The following PKD1L1 variants were observed in gnomAD, a reference collection of about 807,000 sequenced individuals.
PKD1L1 encodes the protein polycystin-1-like protein 1.
In PKD1L1, 236 loss-of-function variants were observed where a neutral mutation model predicts 323.4. That is an observed-to-expected ratio of 0.73 (90% CI 0.66 to 0.81). PKD1L1 has a LOEUF of 0.81. Among genes scored for constraint, PKD1L1 ranks in the 40% least tolerant of loss-of-function variants. PKD1L1 has a pLI of 0.00. For missense variants in PKD1L1, 3,320 were observed against 3,508.0 expected, an observed-to-expected ratio of 0.95 and a Z score of 1.35; for synonymous variants, 1,344 against 1,335.0, an observed-to-expected ratio of 1.01 and a Z score of -0.15.
Position 47,829,556 on chromosome 7 carries a change from T to C in PKD1L1, c.6604A>G (p.Asn2202Asp). 1 of 1,613,404 alleles carries C rather than the reference T, an allele frequency of 6.2e-7. No individual in the cohort carries two copies. Among genetic ancestry groups the C allele is most frequent in the Admixed American group, 1.7e-5 (1 of 59,844 alleles). The stretch of plus-strand genomic sequence containing the variant: ...CATAAAGACTCAGTAAAAAAGTGGT[T>C]GTCAGCTCTTCTTTTCCAAGCAAAA... ...LGFAWKRRAD[N>D]HFFTESLCEA... The change falls in exon 44 of 57, where the codon AAC (asparagine) becomes GAC (aspartate). Residue 2202 changes from asparagine to aspartate, a missense_variant. By Grantham distance (23) the Asn-to-Asp change is conservative. Coordinates refer to ENST00000289672, the MANE Select transcript of PKD1L1 (RefSeq NM_138295.5).
chr7:47,815,309 TATGAAGAGGAG>T lies in PKD1L1; in HGVS notation c.7089+14_7089+24del. On this transcript the variant is annotated intron_variant, in intron 47 of 56. Transcript: ENST00000289672. ...AGATAGCTTTTCTGAGATGATCTCC[TATGAAGAGGAG>T]ACGGAAAGCTCACCTGAGCCCCCGG... is the stretch of plus-strand genomic sequence containing the variant. 6.2e-7 allele frequency: 1 copy of T among 1,611,038 alleles called. No homozygotes were observed.
chr7:47,892,200 G>A (rs1273838939), intron 15 of PKD1L1, among the ~76,000 whole-genome samples: 2 of 152,196 alleles, frequency 1.3e-5, no homozygotes, highest in East Asian at 1.9e-4. Flanking sequence ...TCATTTTGGA[G>A]TCTCAGTGGG....
rs368049472 is a variant in PKD1L1 at position 47,777,338 on chromosome 7, G to A, written c.8527-2172C>T. 1.6e-4 allele frequency among the ~76,000 whole-genome samples: 25 copies of A among 152,262 alleles called. No homozygotes were observed. The East Asian group carries it at 3.9e-3, about 24-fold the overall frequency. ...TTTCCTCATATCTAATGATAAGACC[G>A]AAGGAGATGGTCTCCTCCTTCCATG... is the stretch of plus-strand genomic sequence containing the variant. On this transcript the variant is annotated intron_variant, in intron 56 of 56. Transcript: ENST00000289672.
intron 22 of PKD1L1, among the ~76,000 whole-genome samples, chr7:47,876,593 G>A (rs934324538): frequency 2.0e-5 from 3 of 152,078 alleles, no homozygotes; most frequent in African/African-American, 7.2e-5. Context: ...GGAGGGAGGG[G>A]TCGGGGTGCC....
intron 12 of PKD1L1, among the ~76,000 whole-genome samples, chr7:47,902,893 C>T (rs192397852): frequency 2.5e-4 from 38 of 152,260 alleles, no homozygotes; most frequent in African/African-American, 9.1e-4. Context: ...TGATGGGTAC[C>T]CCAACCCATA....
intron 24 of PKD1L1, among the ~76,000 whole-genome samples, chr7:47,870,224 CG>C (rs1028190793): frequency 2.0e-5 from 3 of 150,498 alleles, no homozygotes; most frequent in Non-Finnish European, 3.0e-5. Flanking sequence ...AAGTACAAGG[CG>C]GGGAAAAAAA....
In PKD1L1 at chr7:47,858,624, T is replaced by TG. The variant is rs34177211; in HGVS notation, c.4362+48dup. 241,571 of 1,522,060 alleles carry TG rather than the reference T, an allele frequency of 0.16. 21,839 individuals carry two copies. Among genetic ancestry groups the TG allele is most frequent in the African/African-American group, 0.35 (25,621 of 72,832 alleles). The allele number at this position is 1,522,060 out of a possible 1,614,324, so 94.3% of individuals were successfully genotyped here. ...CAATTACAAATACAGGTTAACATCC[T>TG]GGGATATGGAAACAGTATTTTTATG... On this transcript the variant is annotated intron_variant, in intron 27 of 56. Coordinates refer to ENST00000289672, the MANE Select transcript of PKD1L1 (RefSeq NM_138295.5).
intron 22 of PKD1L1, among the ~76,000 whole-genome samples, chr7:47,876,991 G>C (rs1304334241): frequency 6.6e-6 from 1 of 151,938 alleles, no homozygotes; most frequent in African/African-American, 2.4e-5. Flanking sequence ...TGTTGGCCAG[G>C]CTGGTTTGCA....
At chr7:47,931,364 G>A (rs11763361) in intron 5 of PKD1L1, 43 bp from the exon 6 acceptor site, 77,824 of 1,597,868 alleles carry the variant, frequency 0.049, 2,138 homozygotes, top group Middle Eastern at 0.064. Flanking sequence ...GAATGGCCTC[G>A]TCTGGCATCA....
intron 13 of PKD1L1, 47 bp downstream of exon 13, chr7:47,902,332 G>A: frequency 6.2e-7 from 1 of 1,604,530 alleles, no homozygotes. Flanking sequence ...AACTCAGAGG[G>A]AGGCTGAAAA....
At chr7:47,944,689 T>C (rs1388275738) in intron 1 of PKD1L1, among the ~76,000 whole-genome samples, 1 of 152,216 alleles carries the variant, frequency 6.6e-6, no homozygotes, top group Non-Finnish European at 1.5e-5. Flanking sequence ...CTGGTGACTT[T>C]CCCTCTGGAC....
chr7:47,834,694 C>T (rs937801434), intron 39 of PKD1L1, among the ~76,000 whole-genome samples: 19 of 152,030 alleles, frequency 1.2e-4, no homozygotes, highest in African/African-American at 4.6e-4. Flanking sequence ...ATTCACTATC[C>T]ATCTGACAAA....
chr7:47,827,805 T>C (rs1785267566), intron 44 of PKD1L1, among the ~76,000 whole-genome samples: 1 of 152,220 alleles, frequency 6.6e-6, no homozygotes, highest in Admixed American at 6.5e-5. Context: ...TGGCACAGTA[T>C]TTTCTCTTAG....
At chr7:47,900,132 C>A (rs376397716) in intron 13 of PKD1L1, among the ~76,000 whole-genome samples, 1 of 152,034 alleles carries the variant, frequency 6.6e-6, no homozygotes, top group East Asian at 1.9e-4. Flanking sequence ...AATATGATAT[C>A]ATTCTAAGAT....
Position 47,906,966 on chromosome 7 carries a change from A to G in PKD1L1, c.1403-1004T>C, listed in dbSNP as rs185207874. Among the ~76,000 whole-genome samples the G allele has an allele frequency of 1.1e-4, 17 of 152,338 alleles. No homozygotes were observed. The East Asian group carries it at 3.3e-3, about 29-fold the overall frequency. On this transcript the variant is annotated intron_variant, in intron 9 of 56. Coordinates refer to ENST00000289672, the MANE Select transcript of PKD1L1 (RefSeq NM_138295.5). ...ATTATCAATCTGTAGGGCTGGATGC[A>G]AACTTGGACCTTCCTATTCTAAATC...
Position 47,939,564 on chromosome 7 carries a change from G to A in PKD1L1, c.285+629C>T, listed in dbSNP as rs542253701. On this transcript the variant is annotated intron_variant, in intron 3 of 56. Coordinates refer to ENST00000289672, the MANE Select transcript of PKD1L1 (RefSeq NM_138295.5). ...TCTCACGCTTCTCCTCCATCTCCAG[G>A]GCATTGCCCAGGCCTTCAGACCCAA... Among the ~76,000 whole-genome samples the A allele has an allele frequency of 1.6e-3, 241 of 152,212 alleles. 1 individual carries two copies. Among genetic ancestry groups the A allele is most frequent in the African/African-American group, 5.5e-3 (230 of 41,526 alleles).
intron 7 of PKD1L1, among the ~76,000 whole-genome samples, chr7:47,928,796 A>G (rs1787702760): frequency 6.6e-6 from 1 of 152,164 alleles, no homozygotes; most frequent in Admixed American, 6.5e-5. Flanking sequence ...AAGAATTCAT[A>G]TAGAACATTG....
intron 15 of PKD1L1, among the ~76,000 whole-genome samples, chr7:47,893,258 A>G (rs1312322020): frequency 6.7e-6 from 1 of 149,620 alleles, no homozygotes; most frequent in Admixed American, 6.6e-5. Flanking sequence ...AAAAAAAGAG[A>G]AAGAAGATTT....
rs967603153 is a variant in PKD1L1, at chr7:47,946,742, T to C, written c.44+1655A>G. 3.3e-5 allele frequency among the ~76,000 whole-genome samples: 5 copies of C among 152,166 alleles called. No homozygotes were observed. Among genetic ancestry groups the C allele is most frequent in the African/African-American group, 1.2e-4 (5 of 41,438 alleles). On this transcript the variant is annotated intron_variant, in intron 1 of 56. Transcript: ENST00000289672. The surrounding 1 kb of genome is among the most constrained non-coding windows in gnomAD (Gnocchi z 4.1). ...TACAGGAGAGTCAAGAAACCTCTTC[T>C]GTTTCTATGAACAAGATCAGTCACT...
Sources: gnomAD v4.1 joint callset for allele counts (sites outside exome capture counted in the v4.1 genomes callset) on GRCh38, gnomAD v4.1.1 for gene constraint, Gnocchi (gnomAD v3.1) non-coding constraint, MANE v1.5 for transcripts, NCBI Gene and HGNC (gene_info 2026-07-23, HGNC 2026-07-21) for gene names.